CDC42BPB: variants seen among roughly 807,000 people sequenced by gnomAD.
CDC42BPB encodes serine/threonine-protein kinase MRCK beta.
A neutral mutation model predicts 214.9 loss-of-function variants in CDC42BPB; 37 were observed. The observed-to-expected ratio is 0.17, with a 90% CI of 0.13 to 0.23. The LOEUF (loss-of-function observed/expected upper bound fraction) is 0.23, where lower values mean the gene tolerates loss of function less well. Ranked by LOEUF, CDC42BPB falls within the 10% of genes least tolerant of loss-of-function variation. The pLI is 1.00. For synonymous variants in CDC42BPB, 931 were observed against 884.0 expected (o/e 1.05, Z -0.94); for missense variants, 1,694 against 2,227.0 (o/e 0.76, Z 4.82).
chr14:103,041,591 T>C (rs1887998075), intron 1 of CDC42BPB: 1 of 922,560 alleles, frequency 1.1e-6, no homozygotes, highest in Admixed American at 2.0e-5. Flanking sequence ...CAAGCTAAAG[T>C]GCCCCACATT....
chr14:103,028,642 G>T (rs1036797915), intron 1 of CDC42BPB, among the ~76,000 whole-genome samples: 1 of 152,234 alleles, frequency 6.6e-6, no homozygotes, highest in African/African-American at 2.4e-5. Context: ...CTCAACAGGT[G>T]CATGTGAGTG....
intron 1 of CDC42BPB, among the ~76,000 whole-genome samples, chr14:103,015,529 C>A (rs1484022434): frequency 6.6e-6 from 1 of 152,140 alleles, no homozygotes; most frequent in Non-Finnish European, 1.5e-5. Context: ...GCATTAGCTA[C>A]AACTAGAAAG....
In CDC42BPB at chr14:102,944,277, C is replaced by G. The variant is rs763037888; in HGVS notation, c.4022G>C (p.Gly1341Ala). 24 of 1,613,164 alleles carry G rather than the reference C, an allele frequency of 1.5e-5. No homozygotes were observed. The highest frequency in any genetic ancestry group is 1.8e-5 in the Non-Finnish European group (21 of 1,180,024). Residue 1341 changes from glycine (G) to alanine (A), a missense_variant, in exon 30 of 37, where the codon GGC (glycine) becomes GCC (alanine). Gly to Ala is a moderately conservative substitution (Grantham distance 60, BLOSUM62 0). This residue lies in a region of CDC42BPB where 567 missense variants were observed against 790.3 expected (regional missense o/e 0.72). Coordinates refer to ENST00000361246, the MANE Select transcript of CDC42BPB (RefSeq NM_006035.4). This position sits in a 1 kb window ranked among gnomAD's most constrained non-coding sequence, Gnocchi z 6.6. ...MATATLKRNS[G>A]TCLFVAVKRL... is the part of the protein sequence containing the mutation. ...TTTCACGGCCACAAACAGGCAGGTG[C>G]CAGAGTTCCTCTTGAGTGTGGCCGT...
intron 3 of CDC42BPB, among the ~76,000 whole-genome samples, chr14:103,006,432 G>A (rs145274668): frequency 1.3e-5 from 2 of 152,340 alleles, no homozygotes; most frequent in East Asian, 1.9e-4. Flanking sequence ...TCTTAAACTG[G>A]GGACTGCCTG....
intron 5 of CDC42BPB, among the ~76,000 whole-genome samples, chr14:102,998,377 C>G (rs776141077): frequency 1.5e-4 from 23 of 152,318 alleles, no homozygotes; most frequent in Non-Finnish European, 3.1e-4. Flanking sequence ...AGTTACCTGA[C>G]CAAGTGTAAT....
chr14:102,939,830 C>T lies in CDC42BPB; in HGVS notation c.4709G>A (p.Arg1570Gln), dbSNP rs140004721. ...VPEEERLQQR[R>Q]EMLRDPELRS... ...AGGCCCCGTGAGGCCCCGCTCCTAC[C>T]GCCTCTGCTGCAGTCTCTCTTCCTC... Residue 1570 changes from arginine (R) to glutamine (Q), a missense_variant and splice_region_variant, in exon 33 of 37, where the codon CGA (arginine) becomes CAA (glutamine). Physicochemically the swap from Arg to Gln is conservative, Grantham distance 43. Around this residue, in one of 7 missense-constraint regions of CDC42BPB, gnomAD observed 567 missense variants for 790.3 expected, o/e 0.72. Coordinates refer to ENST00000361246, the MANE Select transcript of CDC42BPB (RefSeq NM_006035.4). The T allele has an allele frequency of 1.9e-6, 3 of 1,613,940 alleles. No individual in the cohort carries two copies. The highest frequency in any genetic ancestry group is 2.7e-5 in the African/African-American group (2 of 74,940).
At chr14:102,958,500 A>G (rs1337728496) in intron 21 of CDC42BPB, among the ~76,000 whole-genome samples, 3 of 151,706 alleles carry the variant, frequency 2.0e-5, no homozygotes, top group Non-Finnish European at 4.4e-5. Flanking sequence ...AGTGAGCTCC[A>G]CTCTCCCTGC....
chr14:102,938,244 C>A (rs1424773321), intron 35 of CDC42BPB, 62 bp downstream of exon 35: 14 of 1,600,844 alleles, frequency 8.7e-6, no homozygotes, highest in Non-Finnish European at 1.1e-5. Flanking sequence ...GGGGTCTCCC[C>A]ATTCCAGCAC....
chr14:103,013,834 G>GC (rs1255692841), intron 1 of CDC42BPB, among the ~76,000 whole-genome samples: 1 of 152,126 alleles, frequency 6.6e-6, no homozygotes, highest in African/African-American at 2.4e-5. Flanking sequence ...TGTTGTTTAA[G>GC]CCCCCCACTT....
intron 5 of CDC42BPB, among the ~76,000 whole-genome samples, chr14:102,991,925 A>C (rs148647762): frequency 6.6e-6 from 1 of 152,256 alleles, no homozygotes; most frequent in South Asian, 2.1e-4. Context: ...GGTAGCCCCT[A>C]GCCACAGAGG....
chr14:102,993,672 T>C (rs1894599273), intron 5 of CDC42BPB, among the ~76,000 whole-genome samples: 1 of 152,102 alleles, frequency 6.6e-6, no homozygotes, highest in African/African-American at 2.4e-5. Flanking sequence ...CACAAACTTT[T>C]CACCATGGCT....
intron 21 of CDC42BPB, among the ~76,000 whole-genome samples, chr14:102,957,114 T>C (rs375543135): frequency 6.7e-6 from 1 of 148,276 alleles, no homozygotes; most frequent in East Asian, 2.0e-4. Flanking sequence ...GGCACAAGAA[T>C]TGCTTGAACC....
chr14:102,952,953 C>T (rs1434918081), intron 23 of CDC42BPB, among the ~76,000 whole-genome samples: 1 of 152,154 alleles, frequency 6.6e-6, no homozygotes, highest in Non-Finnish European at 1.5e-5. Context: ...TCTTGGGGGC[C>T]GACCTGGGGC....
intron 13 of CDC42BPB, among the ~76,000 whole-genome samples, chr14:102,970,990 A>C (rs892950125): frequency 6.6e-6 from 1 of 152,200 alleles, no homozygotes; most frequent in Non-Finnish European, 1.5e-5. Flanking sequence ...ACAATATGTC[A>C]ACCATTCACA....
intron 20 of CDC42BPB, among the ~76,000 whole-genome samples, chr14:102,960,828 G>A (rs543539606): frequency 2.6e-5 from 4 of 152,204 alleles, no homozygotes; most frequent in South Asian, 2.1e-4. Flanking sequence ...TCCTCGAACC[G>A]TATGTCAGAG....
chr14:102,939,110 T>G (rs897834321), intron 34 of CDC42BPB, among the ~76,000 whole-genome samples: 3 of 152,044 alleles, frequency 2.0e-5, no homozygotes, highest in Non-Finnish European at 4.4e-5. Context: ...CTAATTTCTT[T>G]TTGTATTTTT....
Position 102,983,693 on chromosome 14 carries a change from C to T in CDC42BPB, c.754G>A (p.Glu252Lys). Residue 252 changes from glutamate to lysine, a missense_variant, in exon 7 of 37, where the codon GAG becomes AAG. By Grantham distance (56) the Glu-to-Lys change is moderately conservative. Transcript: ENST00000361246. The stretch of plus-strand genomic sequence containing the variant: ...GGCCCGTATTTGCCCATGCCGTCCT[C>T]CATCGCCTGCAGGATCTCCGGCGAG... ...YISPEILQAMEDGMGKYGPEC... is the reference protein window; with the variant it reads ...YISPEILQAMKDGMGKYGPEC... 1 of 1,614,002 alleles carries T rather than the reference C, an allele frequency of 6.2e-7. No homozygotes were observed. The highest frequency in any genetic ancestry group is 8.5e-7 in the Non-Finnish European group (1 of 1,180,052).
intron 7 of CDC42BPB, among the ~76,000 whole-genome samples, chr14:102,982,410 C>T (rs117454258): frequency 9.2e-5 from 14 of 152,220 alleles, no homozygotes; most frequent in Non-Finnish European, 1.8e-4. Flanking sequence ...GTCATGTGCA[C>T]AGGAGACAGC....
At chr14:103,034,602 T>C (rs1467286738) in intron 1 of CDC42BPB, among the ~76,000 whole-genome samples, 1 of 152,102 alleles carries the variant, frequency 6.6e-6, no homozygotes, top group Non-Finnish European at 1.5e-5. Context: ...TCACATCACC[T>C]GAGGTTGGGA....
Sources: gnomAD v4.1 joint callset for allele counts (sites outside exome capture counted in the v4.1 genomes callset) on GRCh38, gnomAD v4.1.1 for gene constraint, gnomAD v4.1.1 regional missense constraint, Gnocchi (gnomAD v3.1) non-coding constraint, MANE v1.5 for transcripts, NCBI Gene and HGNC (gene_info 2026-07-23, HGNC 2026-07-21) for gene names.